Variants in CTNNA2 observed in about 807,000 individuals in gnomAD.
The protein encoded by CTNNA2 is catenin alpha-2.
In CTNNA2, 42 loss-of-function variants were observed where a neutral mutation model predicts 101.0. The observed-to-expected ratio is 0.42, with a 90% CI of 0.32 to 0.54. The LOEUF is 0.54. CTNNA2 is among the 20% of genes least tolerant of loss of function. The pLI, the probability that CTNNA2 is intolerant of heterozygous loss-of-function variation, is 0.14. For synonymous variants in CTNNA2, 450 were observed against 456.4 expected, an observed-to-expected ratio of 0.99 and a Z score of 0.18; for missense variants, 871 against 1,223.1, an observed-to-expected ratio of 0.71 and a Z score of 4.29.
intron 7 of CTNNA2, among the ~76,000 whole-genome samples, chr2:80,126,862 A>G (rs73940956): frequency 0.018 from 2,765 of 152,186 alleles, 84 homozygotes; most frequent in African/African-American, 0.062. Context: ...AGAAACTTGG[A>G]GAAAGAGAAT....
chr2:79,412,671 G>A (rs1678428863), intron 4 of CTNNA2, among the ~76,000 whole-genome samples: 1 of 152,042 alleles, frequency 6.6e-6, no homozygotes, highest in Non-Finnish European at 1.5e-5. Context: ...AATGAAGGCA[G>A]AAATAAAGAT....
chr2:79,365,887 T>C (rs1235447346), intron 3 of CTNNA2, among the ~76,000 whole-genome samples: 1 of 152,150 alleles, frequency 6.6e-6, no homozygotes, highest in Non-Finnish European at 1.5e-5. Context: ...ACTCACACCT[T>C]GATTTTTACC....
chr2:79,804,201 C>A, intron 3 of CTNNA2, among the ~76,000 whole-genome samples: 1 of 152,142 alleles, frequency 6.6e-6, no homozygotes, highest in East Asian at 1.9e-4. Context: ...TTGTATTTAT[C>A]ATACAGTGAC....
intron 4 of CTNNA2, among the ~76,000 whole-genome samples, chr2:79,866,957 T>G (rs533064922): frequency 2.6e-5 from 4 of 152,182 alleles, no homozygotes; most frequent in Admixed American, 1.3e-4. Context: ...AATGACATCG[T>G]TGGGGTTCAA....
chr2:80,124,125 T>C (rs1185886025), intron 7 of CTNNA2, among the ~76,000 whole-genome samples: 1 of 152,146 alleles, frequency 6.6e-6, no homozygotes, highest in African/African-American at 2.4e-5. Context: ...AGCCACACTG[T>C]GAGACTAATC....
At chr2:79,914,206 G>A (rs1686025479) in intron 7 of CTNNA2, among the ~76,000 whole-genome samples, 1 of 151,296 alleles carries the variant, frequency 6.6e-6, no homozygotes. Context: ...AGCTTACTTG[G>A]CAATGCCTGG....
chr2:79,621,507 A>C (rs2104290682), intron 1 of CTNNA2, among the ~76,000 whole-genome samples: 1 of 152,332 alleles, frequency 6.6e-6, no homozygotes, highest in South Asian at 2.1e-4. Context: ...AAGCTGGGAC[A>C]ATTTGAGCAA....
intron 2 of CTNNA2, among the ~76,000 whole-genome samples, chr2:79,288,212 G>A (rs551711664): frequency 1.5e-4 from 23 of 152,336 alleles, no homozygotes; most frequent in Middle Eastern, 3.4e-3. Context: ...CATCTTCTGC[G>A]TCACTCACGC....
At chr2:80,021,329 A>C (rs1176606296) in intron 7 of CTNNA2, among the ~76,000 whole-genome samples, 2 of 151,998 alleles carry the variant, frequency 1.3e-5, no homozygotes, top group African/African-American at 4.8e-5. Flanking sequence ...CTAATCCTTT[A>C]TTTTTATCTG....
chr2:80,018,837 A>G (rs532654193), intron 7 of CTNNA2, among the ~76,000 whole-genome samples: 3 of 151,836 alleles, frequency 2.0e-5, no homozygotes, highest in East Asian at 3.9e-4. Flanking sequence ...CAGTTTACCT[A>G]TATACCATAG....
intron 2 of CTNNA2, among the ~76,000 whole-genome samples, chr2:79,233,893 G>T (rs763117196): frequency 4.6e-5 from 7 of 151,186 alleles, no homozygotes; most frequent in Admixed American, 6.6e-5. Context: ...CTCTTTGCTT[G>T]GTAGATTATT....
intron 7 of CTNNA2, among the ~76,000 whole-genome samples, chr2:80,098,294 A>G (rs1700296723): frequency 6.6e-6 from 1 of 152,214 alleles, no homozygotes. Flanking sequence ...TTGCCTGGGT[A>G]TCAGCAGCGG....
At chr2:80,192,139 A>G (rs906252154) in intron 7 of CTNNA2, among the ~76,000 whole-genome samples, 2 of 152,246 alleles carry the variant, frequency 1.3e-5, no homozygotes, top group Admixed American at 6.5e-5. Context: ...AATTGCAGAC[A>G]TAACTTTGGA....
intron 7 of CTNNA2, among the ~76,000 whole-genome samples, chr2:80,238,032 C>G (rs1388772145): frequency 2.0e-5 from 3 of 151,160 alleles, no homozygotes; most frequent in African/African-American, 7.4e-5. Flanking sequence ...ATTTAGGTAT[C>G]TGTGCCGTCC....
chr2:79,398,716 A>G (rs1320839117), intron 4 of CTNNA2, among the ~76,000 whole-genome samples: 2 of 152,074 alleles, frequency 1.3e-5, no homozygotes, highest in Non-Finnish European at 2.9e-5. Flanking sequence ...AAGATCTCTG[A>G]AAACCTACCC....
At chr2:80,279,618 C>T (rs1390205051) in intron 7 of CTNNA2, among the ~76,000 whole-genome samples, 1 of 152,012 alleles carries the variant, frequency 6.6e-6, no homozygotes, top group Non-Finnish European at 1.5e-5. Flanking sequence ...TTGATGGCAC[C>T]CACCAATGGG....
chr2:79,208,976 G>A (rs925396997), intron 2 of CTNNA2, among the ~76,000 whole-genome samples: 10 of 152,108 alleles, frequency 6.6e-5, no homozygotes, highest in East Asian at 1.9e-4. Context: ...TGAAGGAGAT[G>A]AAATGGCTGC....
intron 7 of CTNNA2, among the ~76,000 whole-genome samples, chr2:80,044,392 T>A (rs79863744): frequency 6.9e-6 from 1 of 145,540 alleles, no homozygotes; most frequent in Admixed American, 6.9e-5. Flanking sequence ...TAAAAAAAAA[T>A]TAAATGCTAA....
chr2:80,251,975 A>G (rs1279563703), intron 7 of CTNNA2, among the ~76,000 whole-genome samples: 1 of 152,208 alleles, frequency 6.6e-6, no homozygotes, highest in Non-Finnish European at 1.5e-5. Flanking sequence ...AGTCAAAAGA[A>G]GTTGATTTAA....
Sources: gnomAD v4.1 joint callset for allele counts (sites outside exome capture counted in the v4.1 genomes callset) on GRCh38, gnomAD v4.1.1 for gene constraint, MANE v1.5 for transcripts, NCBI Gene and HGNC (gene_info 2026-07-23, HGNC 2026-07-21) for gene names.